Variants in HS6ST2 observed in about 807,000 individuals in gnomAD.
The protein encoded by HS6ST2 is heparan-sulfate 6-O-sulfotransferase 2.
HS6ST2 carries 17 observed loss-of-function variants against 33.0 expected under a neutral mutation model. That is an observed-to-expected ratio of 0.52 (90% CI 0.35 to 0.77). The LOEUF is 0.77. HS6ST2 is among the 30% of genes least tolerant of loss of function. HS6ST2 has a pLI of 0.01. For missense variants in HS6ST2, 519 were observed against 551.7 expected (o/e 0.94, Z 0.59); for synonymous variants, 248 against 237.1 (o/e 1.05, Z -0.42).
At chrX:132,803,150 T>G (rs1259577420) in intron 2 of HS6ST2, among the ~76,000 whole-genome samples, 1 of 111,646 alleles carries the variant, frequency 9.0e-6, no homozygotes, top group Non-Finnish European at 1.9e-5. Context: ...GCAGCCAGCT[T>G]CTCTCCTTTG....
chrX:132,727,986 A>G, intron 2 of HS6ST2, among the ~76,000 whole-genome samples: 1 of 112,115 alleles, frequency 8.9e-6, no homozygotes, highest in Non-Finnish European at 1.9e-5. Context: ...AGTCTTTTTT[A>G]CAGCTAAACA....
intron 2 of HS6ST2, among the ~76,000 whole-genome samples, chrX:132,802,704 C>T (rs923963974): frequency 2.7e-5 from 3 of 110,138 alleles, no homozygotes; most frequent in African/African-American, 6.6e-5. Context: ...CTCTGCCTCT[C>T]GTATTTTGCA....
At chrX:132,842,750 G>A (rs1034979831) in intron 2 of HS6ST2, among the ~76,000 whole-genome samples, 8 of 111,861 alleles carry the variant, frequency 7.2e-5, no homozygotes, top group Non-Finnish European at 1.5e-4. Context: ...CCCATATGAG[G>A]GGCCTGCCAT....
At chrX:132,690,897 C>G (rs1270222553) in intron 3 of HS6ST2, among the ~76,000 whole-genome samples, 1 of 111,667 alleles carries the variant, frequency 9.0e-6, no homozygotes. Flanking sequence ...TAAAATGCCA[C>G]CAGTAGAGCC....
chrX:132,640,648 C>T (rs2063596009), intron 4 of HS6ST2, among the ~76,000 whole-genome samples: 1 of 111,186 alleles, frequency 9.0e-6, no homozygotes, highest in South Asian at 3.8e-4. Flanking sequence ...CTAGTCTGAA[C>T]TAAGAAGTGA....
intron 2 of HS6ST2, among the ~76,000 whole-genome samples, chrX:132,888,008 A>G (rs2066268847): frequency 8.9e-6 from 1 of 111,981 alleles, no homozygotes; most frequent in Admixed American, 9.5e-5. Context: ...GAAAATGGCA[A>G]TTGACTACAA....
intron 3 of HS6ST2, among the ~76,000 whole-genome samples, chrX:132,704,104 C>T (rs777798974): frequency 3.6e-5 from 4 of 111,999 alleles, no homozygotes; most frequent in Non-Finnish European, 7.5e-5. Context: ...CTCAGGCACA[C>T]CTGACCCAGC....
At chrX:132,855,776 T>G (rs1341146083) in intron 2 of HS6ST2, among the ~76,000 whole-genome samples, 1 of 111,466 alleles carries the variant, frequency 9.0e-6, no homozygotes, top group Non-Finnish European at 1.9e-5. Flanking sequence ...TCAACTACAA[T>G]AGTTTAAAAT....
rs765789653 is a variant in HS6ST2, at chrX:132,790,009, T to A, written c.948-81515A>T. The stretch of plus-strand genomic sequence containing the variant: ...TGAAATGACAAGAAAACATTTAGAA[T>A]ATTACATAAACTTAGTTGATAAAGC... On this transcript the variant is annotated intron_variant, in intron 2 of 4. Coordinates refer to ENST00000370833, the MANE Select transcript of HS6ST2 (RefSeq NM_001394073.1). Among the ~76,000 whole-genome samples, 158 of 112,637 alleles carry A rather than the reference T, an allele frequency of 1.4e-3. 1 individual carries two copies. The highest frequency in any genetic ancestry group is 4.9e-3 in the African/African-American group (152 of 31,056).
chrX:132,958,498 C>A lies in HS6ST2; in HGVS notation c.105G>T (p.Glu35Asp), dbSNP rs1363351230. 5 of 1,196,757 alleles carry A rather than the reference C, an allele frequency of 4.2e-6. No homozygotes were observed. The highest frequency in any genetic ancestry group is 4.5e-5 in the Admixed American group (2 of 44,710). ...CGGGCCGGCTCGCTGCCAATTCGGC[C>A]TCTACTCTGGAATGCCGGCGGGGAC... is the stretch of plus-strand genomic sequence containing the variant. ...TTCPRRHSRVEAELAASRPGS... is the reference protein window; with the variant it reads ...TTCPRRHSRVDAELAASRPGS... Residue 35 changes from glutamate to aspartate, a missense_variant, in exon 1 of 5, where the codon GAG becomes GAT. Coordinates refer to ENST00000370833, the MANE Select transcript of HS6ST2 (RefSeq NM_001394073.1).
chrX:132,844,355 T>C (rs2065731924), intron 2 of HS6ST2, among the ~76,000 whole-genome samples: 1 of 111,998 alleles, frequency 8.9e-6, no homozygotes, highest in African/African-American at 3.2e-5. Context: ...TGGATAGCCA[T>C]GATCCTCCTG....
chrX:132,850,684 A>T (rs1317196259), intron 2 of HS6ST2, among the ~76,000 whole-genome samples: 1 of 110,158 alleles, frequency 9.1e-6, no homozygotes, highest in East Asian at 2.8e-4. Context: ...AATTTACTTT[A>T]ACTATGAAGT....
intron 4 of HS6ST2, among the ~76,000 whole-genome samples, chrX:132,638,564 TG>T (rs2063578931): frequency 8.9e-6 from 1 of 112,052 alleles, no homozygotes; most frequent in Non-Finnish European, 1.9e-5. Context: ...TTGCAGACAG[TG>T]GGTTACATAG....
At chrX:132,643,920 G>C (rs945274358) in intron 4 of HS6ST2, among the ~76,000 whole-genome samples, 30 of 111,896 alleles carry the variant, frequency 2.7e-4, no homozygotes, top group African/African-American at 9.7e-4. Context: ...AATGAGAAGA[G>C]AGATCTGCTT....
chrX:132,815,947 C>T (rs1421048451), intron 2 of HS6ST2, among the ~76,000 whole-genome samples: 2 of 111,400 alleles, frequency 1.8e-5, no homozygotes, highest in Non-Finnish European at 3.8e-5. Context: ...TTGACTATAC[C>T]AAAAATCACT....
At chrX:132,909,314 G>A (rs1159030511) in intron 2 of HS6ST2, among the ~76,000 whole-genome samples, 4 of 112,373 alleles carry the variant, frequency 3.6e-5, no homozygotes, top group Admixed American at 9.4e-5. Context: ...AGTTGAACAC[G>A]CTCTTGTTTC....
rs764609227 is a variant in HS6ST2 at position 132,850,273 on chromosome X, T to C, written c.947+106535A>G. Among the ~76,000 whole-genome samples, 5 of 112,336 alleles carry C rather than the reference T, an allele frequency of 4.5e-5. No homozygotes were observed. In the South Asian group the frequency reaches 1.8e-3, roughly 42 times the overall value. ...TTATTATGTAAATAATGACGTGCTC[T>C]GGTGAGCCAATTTTCCTCACTTTTT... On this transcript the variant is annotated intron_variant, in intron 2 of 4. Coordinates refer to ENST00000370833, the MANE Select transcript of HS6ST2 (RefSeq NM_001394073.1).
chrX:132,651,150 AACATAT>A (rs2148182424), intron 4 of HS6ST2, among the ~76,000 whole-genome samples: 1 of 112,165 alleles, frequency 8.9e-6, no homozygotes, highest in South Asian at 3.8e-4. Context: ...TAGAACAACT[AACATAT>A]GTATTAAGCC....
chrX:132,809,916 C>T (rs1930168400), intron 2 of HS6ST2, among the ~76,000 whole-genome samples: 1 of 111,878 alleles, frequency 8.9e-6, no homozygotes, highest in Non-Finnish European at 1.9e-5. Context: ...GAAAAGCAGA[C>T]AGAGAGTGTT....
Sources: allele counts gnomAD v4.1 joint callset (sites outside exome capture counted in the v4.1 genomes callset), GRCh38; gene constraint gnomAD v4.1.1; transcripts MANE v1.5; gene names NCBI Gene and HGNC (gene_info 2026-07-23, HGNC 2026-07-21).